The following WDCP variants were observed in gnomAD, a reference collection of about 807,000 sequenced individuals.
WDCP encodes WD repeat and coiled coil containing.
In WDCP, 19 loss-of-function variants were observed where a neutral mutation model predicts 41.6. The ratio of observed to expected loss-of-function variants is 0.46; its 90% CI spans 0.32 to 0.67. The LOEUF (loss-of-function observed/expected upper bound fraction) is 0.67. Among genes scored for constraint, WDCP ranks in the 30% least tolerant of loss-of-function variants. The probability of loss-of-function intolerance (pLI) is 0.04; values close to 1 mark genes in which losing one functional copy is unlikely to be tolerated. For missense variants in WDCP, 802 were observed against 850.7 expected (o/e 0.94, Z 0.71); for synonymous variants, 302 against 320.8 (o/e 0.94, Z 0.63).
chr2:24,041,858 C>CAA (rs56341766), intron 1 of WDCP, among the ~76,000 whole-genome samples: 11 of 93,208 alleles, frequency 1.2e-4, no homozygotes, highest in East Asian at 6.8e-4. Context: ...AACTCTGTCT[C>CAA]AAAAAAAAAA....
chr2:24,037,885 A>G lies in WDCP; in HGVS notation c.1610T>C (p.Leu537Pro), dbSNP rs1558334133. 6 of 1,614,168 alleles carry G rather than the reference A, an allele frequency of 3.7e-6. No homozygotes were observed. The highest frequency in any genetic ancestry group is 1.3e-5 in the African/African-American group (1 of 75,036). Residue 537 changes from leucine to proline, a missense_variant, in exon 2 of 4, where the codon CTG becomes CCG. Around this residue, in one of 5 missense-constraint regions of WDCP, gnomAD observed 321 missense variants for 305.1 expected, o/e 1.05. Coordinates refer to ENST00000295148, the MANE Select transcript of WDCP (RefSeq NM_025203.3). Reference protein sequence around the residue: ...HSSTPDHTSTLEPPRLPQRKN... With the variant: ...HSSTPDHTSTPEPPRLPQRKN... ...TCTTTGAGGCAAACGAGGAGGCTCC[A>G]GTGTGCTGGTGTGGTCTGGTGTGCT...
At chr2:24,034,892 C>A (rs1283785029) in intron 2 of WDCP, among the ~76,000 whole-genome samples, 2 of 151,660 alleles carry the variant, frequency 1.3e-5, no homozygotes, top group East Asian at 3.9e-4. Context: ...GTTGTTTTAA[C>A]CTTAGTTTTT....
At position 24,037,998 on chromosome 2, in the gene WDCP, G is replaced by A. The variant is rs1663310207; in HGVS notation, c.1497C>T (p.Ile499=). The part of the protein sequence containing the change: ...GRPGRTLIKE[I]QSPLSSICDG... ...CACAGATACTAGACAGAGGACTCTG[G>A]ATTTCTTTAATAAGTGTTCTTCCAG... Residue 499 remains isoleucine, a synonymous_variant, in exon 2 of 4, where the codon ATC becomes ATT. Coordinates refer to ENST00000295148, the MANE Select transcript of WDCP (RefSeq NM_025203.3). 1 of 1,614,144 alleles carries A rather than the reference G, an allele frequency of 6.2e-7. No individual in the cohort carries two copies. The highest frequency in any genetic ancestry group is 8.5e-7 in the Non-Finnish European group (1 of 1,180,026).
rs1663141334 is a variant in WDCP at position 24,032,966 on chromosome 2, G to A, written c.1819-20C>T. On this transcript the variant is annotated intron_variant, in intron 2 of 3. Coordinates refer to ENST00000295148, the MANE Select transcript of WDCP (RefSeq NM_025203.3). Reference sequence around the variant, plus strand: ...AGGTTTCTGCAAATAAAAAATAAAAGTTGTTAAACTGATTGCAGAAGTAAT... The same window carrying A: ...AGGTTTCTGCAAATAAAAAATAAAAATTGTTAAACTGATTGCAGAAGTAAT... 1 of 1,405,546 alleles carries A rather than the reference G, an allele frequency of 7.1e-7. No individual in the cohort carries two copies. 87.1% of individuals were successfully genotyped at this position (1,405,546 alleles called of 1,614,324 possible).
intron 3 of WDCP, 132 bp downstream of exon 3, chr2:24,032,697 A>G (rs928681840): frequency 1.5e-6 from 1 of 665,340 alleles, no homozygotes; most frequent in Non-Finnish European, 2.7e-6. Context: ...AATAATAATA[A>G]TAGATTACTT....
intron 1 of WDCP, among the ~76,000 whole-genome samples, chr2:24,042,836 C>G (rs1424198843): frequency 6.6e-6 from 1 of 151,670 alleles, no homozygotes; most frequent in East Asian, 1.9e-4. Context: ...GAGTTCGAGA[C>G]CAGCCTGACC....
chr2:24,030,836 G>T lies in WDCP; in HGVS notation c.*97C>A. The T allele has an allele frequency of 2.1e-6, 2 of 946,062 alleles. No homozygotes were observed. Among genetic ancestry groups the T allele is most frequent in the Non-Finnish European group, 3.2e-6 (2 of 615,406 alleles). 58.6% of individuals were successfully genotyped at this position (946,062 alleles called of 1,614,324 possible). ...CGACCATGGCAAGCGCTTCGCCTGA[G>T]TGCAGTGGGAGTCTCATTGGCGAGT... On this transcript the variant is annotated 3_prime_UTR_variant, in exon 4 of 4. Coordinates refer to ENST00000295148, the MANE Select transcript of WDCP (RefSeq NM_025203.3).
intron 1 of WDCP, among the ~76,000 whole-genome samples, chr2:24,045,663 G>A (rs566152330): frequency 1.5e-5 from 2 of 136,650 alleles, no homozygotes; most frequent in African/African-American, 6.0e-5. Flanking sequence ...GGAAGGGGGA[G>A]GGGGAGGGAA....
Position 24,037,723 on chromosome 2 carries a change from A to C in WDCP, c.1772T>G (p.Val591Gly). The C allele has an allele frequency of 1.2e-6, 2 of 1,614,110 alleles. No individual in the cohort carries two copies. Among genetic ancestry groups the C allele is most frequent in the Non-Finnish European group, 1.7e-6 (2 of 1,179,992 alleles). The change falls in exon 2 of 4, where the codon GTG (valine) becomes GGG (glycine). Residue 591 changes from valine (V) to glycine (G), a missense_variant. By Grantham distance (109) the Val-to-Gly change is moderately radical. Transcript: ENST00000295148. ...RLHNGKKSSS[V>G]YPLSQDLPYV... ...AGGAAGATCTTGAGAGAGTGGATACACTGAAGAGGATTTCTTCCCATTATG... is the reference window on the plus strand; with the variant it reads ...AGGAAGATCTTGAGAGAGTGGATACCCTGAAGAGGATTTCTTCCCATTATG...
chr2:24,046,737 T>TAACAC (rs1663638031), intron 1 of WDCP, among the ~76,000 whole-genome samples: 1 of 152,114 alleles, frequency 6.6e-6, no homozygotes, highest in African/African-American at 2.4e-5. Flanking sequence ...AGAAAAAAAT[T>TAACAC]AAGAAGAGTT....
At chr2:24,031,208 T>C (rs1189937649) in intron 3 of WDCP, 46 bp from the exon 4 acceptor site, 2 of 1,423,858 alleles carry the variant, frequency 1.4e-6, no homozygotes, top group Non-Finnish European at 1.9e-6. Context: ...TATATTATTC[T>C]TATGATGAAA....
At position 24,030,238 on chromosome 2, in the gene WDCP, C is replaced by T. The variant is rs1027586866; in HGVS notation, c.*695G>A. 4 of 152,176 alleles carry T rather than the reference C, an allele frequency of 2.6e-5. No homozygotes were observed. Among genetic ancestry groups the T allele is most frequent in the African/African-American group, 9.7e-5 (4 of 41,436 alleles). 9.4% of individuals were successfully genotyped at this position (152,176 alleles called of 1,614,324 possible). A position where few individuals can be genotyped will look rare whatever the true frequency, so the allele number is the denominator to read the frequency against. On this transcript the variant is annotated 3_prime_UTR_variant, in exon 4 of 4. Transcript: ENST00000295148. ...CTCGACAGTGTGGTAGCAGCATCGG[C>T]ACAACCTCAAGTGGAACCCAGAGGG... is the stretch of plus-strand genomic sequence containing the variant.
At chr2:24,040,060 CA>C (rs1473335105) in intron 1 of WDCP, among the ~76,000 whole-genome samples, 1 of 152,074 alleles carries the variant, frequency 6.6e-6, no homozygotes, top group Non-Finnish European at 1.5e-5. Context: ...CTCAGCCTCC[CA>C]AAGTGCTGGG....
intron 1 of WDCP, among the ~76,000 whole-genome samples, chr2:24,042,303 C>G (rs896118746): frequency 3.3e-5 from 5 of 151,760 alleles, no homozygotes; most frequent in African/African-American, 1.2e-4. Flanking sequence ...TTTGGGAGGC[C>G]GAGGCAGGCG....
In WDCP at chr2:24,038,820, C is replaced by T. The variant is rs371452340; in HGVS notation, c.675G>A (p.Leu225=). ...SQVAIATELP[L]DKICGLNASE... The stretch of plus-strand genomic sequence containing the variant: ...ATGCATTTAAGCCACAGATCTTATC[C>T]AATGGAAGCTCAGTAGCTATAGCAA... The change falls in exon 2 of 4, where the codon TTG becomes TTA. Residue 225 remains leucine (L), a synonymous_variant. Transcript: ENST00000295148. 2.5e-6 allele frequency: 4 copies of T among 1,614,146 alleles called. No individual in the cohort carries two copies. In the African/African-American group the frequency reaches 5.3e-5, roughly 22 times the overall value.
In WDCP at chr2:24,038,439, G is replaced by A. The variant is rs1324662358; in HGVS notation, c.1056C>T (p.His352=). The A allele has an allele frequency of 2.1e-5, 34 of 1,613,968 alleles. No individual in the cohort carries two copies. Among genetic ancestry groups the A allele is most frequent in the Non-Finnish European group, 2.7e-5 (32 of 1,179,998 alleles). Residue 352 remains histidine, a synonymous_variant, in exon 2 of 4, where the codon CAC becomes CAT. Coordinates refer to ENST00000295148, the MANE Select transcript of WDCP (RefSeq NM_025203.3). ...PDLIAFNLKA[H]VVAVASNTCN... ...AAGTGTTGGAAGCCACTGCCACTAC[G>A]TGGGCTTTAAGATTAAATGCTATCA...
chr2:24,044,306 G>C (rs1209550260), intron 1 of WDCP, among the ~76,000 whole-genome samples: 1 of 151,996 alleles, frequency 6.6e-6, no homozygotes, highest in Admixed American at 6.6e-5. Context: ...GTCTTGCTCC[G>C]TTACCCAGGC....
At chr2:24,033,677 G>A (rs1465843462) in intron 2 of WDCP, among the ~76,000 whole-genome samples, 13 of 152,202 alleles carry the variant, frequency 8.5e-5, no homozygotes, top group Non-Finnish European at 1.6e-4. Context: ...GGAGGCAAAG[G>A]TTGCAGTGAG....
At chr2:24,036,023 C>T (rs868203090) in intron 2 of WDCP, among the ~76,000 whole-genome samples, 7 of 149,518 alleles carry the variant, frequency 4.7e-5, no homozygotes, top group African/African-American at 1.5e-4. Context: ...GAGCTGAGAT[C>T]GCGCCACTGC....
Sources: gnomAD v4.1 joint callset for allele counts (sites outside exome capture counted in the v4.1 genomes callset) on GRCh38, gnomAD v4.1.1 for gene constraint, gnomAD v4.1.1 regional missense constraint, MANE v1.5 for transcripts, NCBI Gene and HGNC (gene_info 2026-07-23, HGNC 2026-07-21) for gene names.